Variants in CHDH observed in about 807,000 individuals in gnomAD.
CHDH encodes choline dehydrogenase.
Under a neutral mutation model 56.9 loss-of-function variants are expected in CHDH, and 43 were observed. The observed-to-expected ratio is 0.76, with a 90% CI of 0.59 to 0.97. The LOEUF (loss-of-function observed/expected upper bound fraction) is 0.97. Ranked by LOEUF, CHDH falls within the 50% of genes least tolerant of loss-of-function variation. CHDH has a pLI of 0.00. For missense variants in CHDH, 816 were observed against 821.1 expected (o/e 0.99, Z 0.08); for synonymous variants, 364 against 348.5 (o/e 1.04, Z -0.50).
chr3:53,838,146 G>GCTC (rs1698562043), intron 2 of CHDH, among the ~76,000 whole-genome samples: 2 of 149,992 alleles, frequency 1.3e-5, no homozygotes, highest in African/African-American at 2.4e-5. Context: ...GGCCCAGGCC[G>GCTC]CTCAACCTCC....
chr3:53,830,848 C>T (rs1354574299), intron 2 of CHDH, among the ~76,000 whole-genome samples: 1 of 151,946 alleles, frequency 6.6e-6, no homozygotes, highest in East Asian at 1.9e-4. Flanking sequence ...CCCCTCGCCC[C>T]CCACCCCCAC....
At chr3:53,834,756 C>T (rs1401651646) in intron 2 of CHDH, among the ~76,000 whole-genome samples, 1 of 152,234 alleles carries the variant, frequency 6.6e-6, no homozygotes, top group African/African-American at 2.4e-5. Context: ...CACTTTCTTC[C>T]TCACCACATC....
At chr3:53,832,810 G>T (rs1028086476) in intron 2 of CHDH, among the ~76,000 whole-genome samples, 1 of 152,170 alleles carries the variant, frequency 6.6e-6, no homozygotes, top group Non-Finnish European at 1.5e-5. Flanking sequence ...TTGTTTGGGG[G>T]AACAGAGCTT....
Position 53,817,973 on chromosome 3 carries a change from G to T in CHDH, c.1589C>A (p.Pro530Gln). 6.2e-7 allele frequency: 1 copy of T among 1,614,186 alleles called. No homozygotes were observed. The highest frequency in any genetic ancestry group is 1.1e-5 in the South Asian group (1 of 91,086). ...QPSDPTAVVD[P>Q]QTRVLGVENL... ...TTCCACCCCGAGGACCCTTGTCTGC[G>T]GATCCACCACGGCAGTGGGATCGGA... The change falls in exon 9 of 9, where the codon CCG becomes CAG. Residue 530 changes from proline to glutamine, a missense_variant. By Grantham distance (76) the Pro-to-Gln change is moderately conservative (BLOSUM62 -1). Transcript: ENST00000315251.
chr3:53,819,618 C>A lies in CHDH; in HGVS notation c.1177G>T (p.Val393Phe). 6.2e-7 allele frequency: 1 copy of A among 1,612,474 alleles called. No homozygotes were observed. The highest frequency in any genetic ancestry group is 8.5e-7 in the Non-Finnish European group (1 of 1,179,118). The change falls in exon 7 of 9, where the codon GTC becomes TTC. Residue 393 changes from valine to phenylalanine, a missense_variant. By Grantham distance (50) the Val-to-Phe change is conservative. Coordinates refer to ENST00000315251, the MANE Select transcript of CHDH (RefSeq NM_018397.5). This position sits in a 1 kb window ranked among gnomAD's most constrained non-coding sequence, Gnocchi z 5.4. ...TGGAACTGGATGTCCGGGTGGGGGA[C>A]CCCAGGCTGGCTGCGGATGAACCCA... Reference protein sequence around the residue: ...TGGFIRSQPGVPHPDIQFHFL... With the variant: ...TGGFIRSQPGFPHPDIQFHFL...
chr3:53,834,082 G>C (rs1183267238), intron 2 of CHDH, among the ~76,000 whole-genome samples: 1 of 152,188 alleles, frequency 6.6e-6, no homozygotes, highest in Non-Finnish European at 1.5e-5. Flanking sequence ...ACTGGTTATG[G>C]CTGGTGGCTT....
chr3:53,817,313 T>C lies in CHDH; in HGVS notation c.*464A>G, dbSNP rs747556740. 8.6e-5 allele frequency: 14 copies of C among 163,514 alleles called. No homozygotes were observed. The highest frequency in any genetic ancestry group is 1.6e-4 in the Non-Finnish European group (12 of 74,666). 10.1% of individuals were successfully genotyped at this position (163,514 alleles called of 1,614,324 possible). A position where few individuals can be genotyped will look rare whatever the true frequency, so the allele number is the denominator to read the frequency against. On this transcript the variant is annotated 3_prime_UTR_variant, in exon 9 of 9. Coordinates refer to ENST00000315251, the MANE Select transcript of CHDH (RefSeq NM_018397.5). ...TGCCAGCCCAGGCTGAACTAACTAC[T>C]GTGTGACTTACTGCCTCAGCTAAAG... is the stretch of plus-strand genomic sequence containing the variant.
chr3:53,834,298 A>AT (rs778328516), intron 2 of CHDH, among the ~76,000 whole-genome samples: 8 of 152,104 alleles, frequency 5.3e-5, no homozygotes, highest in Non-Finnish European at 7.4e-5. Flanking sequence ...ATACAAAAAA[A>AT]TTAGCCAGGC....
rs554900274 is a variant in CHDH at position 53,817,059 on chromosome 3, G to T, written c.*718C>A. On this transcript the variant is annotated 3_prime_UTR_variant, in exon 9 of 9. Transcript: ENST00000315251. ...TCACTATGTTGCCCAGGCTGGTCTTGAACTCCTGAGCTCAAGTGACCTTCC... is the reference window on the plus strand; with the variant it reads ...TCACTATGTTGCCCAGGCTGGTCTTTAACTCCTGAGCTCAAGTGACCTTCC... The T allele has an allele frequency of 6.6e-6, 1 of 152,430 alleles. No homozygotes were observed. Among genetic ancestry groups the T allele is most frequent in the South Asian group, 2.1e-4 (1 of 4,806 alleles). The allele number at this position is 152,430 out of a possible 1,614,324, so 9.4% of individuals were successfully genotyped here.
intron 2 of CHDH, among the ~76,000 whole-genome samples, chr3:53,825,243 C>T (rs996771981): frequency 1.3e-4 from 20 of 152,174 alleles, no homozygotes; most frequent in African/African-American, 4.8e-4. Flanking sequence ...AATTAGGATA[C>T]ATACCAAAAA....
chr3:53,838,665 C>T (rs928629857), intron 2 of CHDH, among the ~76,000 whole-genome samples: 2 of 152,216 alleles, frequency 1.3e-5, no homozygotes, highest in African/African-American at 4.8e-5. Context: ...AAGCTCCCAC[C>T]TGGCAGAGCC....
chr3:53,827,723 C>T (rs779452179), intron 2 of CHDH, among the ~76,000 whole-genome samples: 1 of 152,272 alleles, frequency 6.6e-6, no homozygotes, highest in East Asian at 1.9e-4. Context: ...AACTATGAAA[C>T]CCTGATGAAA....
chr3:53,818,153 C>CTGG lies in CHDH; in HGVS notation c.1406_1408dup (p.Thr469dup), dbSNP rs2095619191. ...CAGGGCTTCCTGTGCAAAAATTTCTCTGGTGAGCTTCACACACAGACGGAA... is the reference window on the plus strand; with the variant it reads ...CAGGGCTTCCTGTGCAAAAATTTCTCTGGTGGTGAGCTTCACACACAGACGGAA... On this transcript the variant is annotated inframe_insertion, in exon 9 of 9. Transcript: ENST00000315251. 1 of 1,613,158 alleles carries CTGG rather than the reference C, an allele frequency of 6.2e-7. No individual in the cohort carries two copies. The highest frequency in any genetic ancestry group is 1.3e-5 in the African/African-American group (1 of 74,844).
At chr3:53,833,873 C>T (rs575293895) in intron 2 of CHDH, among the ~76,000 whole-genome samples, 4 of 152,158 alleles carry the variant, frequency 2.6e-5, no homozygotes, top group African/African-American at 7.2e-5. Context: ...AGTCCTCCCG[C>T]GGCACTGGGC....
At chr3:53,830,045 AC>A (rs1698285519) in intron 2 of CHDH, among the ~76,000 whole-genome samples, 1 of 152,308 alleles carries the variant, frequency 6.6e-6, no homozygotes, top group African/African-American at 2.4e-5. Context: ...TATATACAGG[AC>A]CTATATACTG....
chr3:53,833,178 C>A (rs1224889125), intron 2 of CHDH, among the ~76,000 whole-genome samples: 1 of 152,152 alleles, frequency 6.6e-6, no homozygotes, highest in Non-Finnish European at 1.5e-5. Flanking sequence ...GATCAAGAGG[C>A]AAAACAGGAG....
chr3:53,818,833 T>C (rs1276733952), intron 8 of CHDH, 105 bp downstream of exon 8: 2 of 804,236 alleles, frequency 2.5e-6, no homozygotes, highest in Non-Finnish European at 4.4e-6. Context: ...GAGGGTCACT[T>C]GTGTCCTAGA....
chr3:53,822,174 GTAAACCTATAGCTT>G (rs1480986629), intron 4 of CHDH, among the ~76,000 whole-genome samples: 3 of 152,200 alleles, frequency 2.0e-5, no homozygotes, highest in East Asian at 1.9e-4. Flanking sequence ...AACCTCTAGT[GTAAACCTATAGCTT>G]TAAACCTATA....
chr3:53,825,162 C>T (rs1433865608), intron 2 of CHDH, among the ~76,000 whole-genome samples: 1 of 152,234 alleles, frequency 6.6e-6, no homozygotes, highest in African/African-American at 2.4e-5. Context: ...AAAGACAGGT[C>T]CTTTGCTAGG....
Sources: gnomAD v4.1 joint callset for allele counts (sites outside exome capture counted in the v4.1 genomes callset) on GRCh38, gnomAD v4.1.1 for gene constraint, Gnocchi (gnomAD v3.1) non-coding constraint, MANE v1.5 for transcripts, NCBI Gene and HGNC (gene_info 2026-07-23, HGNC 2026-07-21) for gene names.